The following CALN1 variants were observed in gnomAD, a reference collection of about 807,000 sequenced individuals.
CALN1 encodes the protein calneuron 1, also known as calcium-binding protein 8.
A neutral mutation model predicts 30.6 loss-of-function variants in CALN1; 17 were observed. The ratio of observed to expected loss-of-function variants is 0.56; its 90% CI spans 0.38 to 0.83. The LOEUF is 0.83. CALN1 is among the 40% of genes least tolerant of loss of function. The pLI, the probability that CALN1 is intolerant of heterozygous loss-of-function variation, is 0.00. For synonymous variants in CALN1, 156 were observed against 131.4 expected (o/e 1.19, Z -1.28); for missense variants, 291 against 354.9 (o/e 0.82, Z 1.45).
chr7:72,343,955 A>C (rs1802497054), intron 2 of CALN1, among the ~76,000 whole-genome samples: 1 of 152,246 alleles, frequency 6.6e-6, no homozygotes, highest in Admixed American at 6.5e-5. Flanking sequence ...AAGGGCTTCT[A>C]CATGTCTTAA....
At chr7:72,474,308 AC>A in the CALN1 span, among the ~76,000 whole-genome samples, 2 of 152,182 alleles carry the variant, frequency 1.3e-5, no homozygotes, top group African/African-American at 4.8e-5. Flanking sequence ...ATTATTTCTT[AC>A]TTTTTATTAA....
At chr7:72,147,687 T>C (rs1786868279) in intron 3 of CALN1, among the ~76,000 whole-genome samples, 1 of 151,902 alleles carries the variant, frequency 6.6e-6, no homozygotes, top group Admixed American at 6.6e-5. Flanking sequence ...AGCAAAGACC[T>C]GGAACCAACC....
intron 3 of CALN1, among the ~76,000 whole-genome samples, chr7:72,152,639 C>A (rs1787339123): frequency 6.6e-6 from 1 of 152,168 alleles, no homozygotes; most frequent in Admixed American, 6.5e-5. Flanking sequence ...TGTTTCCCGG[C>A]CAAAGCTGGT....
intron 3 of CALN1, among the ~76,000 whole-genome samples, chr7:72,200,468 C>T (rs1791340246): frequency 1.3e-5 from 2 of 152,166 alleles, no homozygotes; most frequent in African/African-American, 4.8e-5. Context: ...AATAGTGTCT[C>T]GTATTATTTC....
chr7:72,197,430 G>A (rs1791108079), intron 3 of CALN1, among the ~76,000 whole-genome samples: 1 of 152,050 alleles, frequency 6.6e-6, no homozygotes, highest in African/African-American at 2.4e-5. Flanking sequence ...TCGAACTCCT[G>A]ACCTCGTGAT....
chr7:72,216,907 A>G (rs774998254), intron 3 of CALN1, among the ~76,000 whole-genome samples: 48 of 92,430 alleles, frequency 5.2e-4, no homozygotes, highest in Non-Finnish European at 8.0e-4. Context: ...ACATGCCACC[A>G]CACCCACTGA....
chr7:72,143,507 C>A (rs1280032477), intron 3 of CALN1, among the ~76,000 whole-genome samples: 4 of 151,712 alleles, frequency 2.6e-5, no homozygotes, highest in Admixed American at 2.0e-4. Context: ...GATTGGTGTA[C>A]CTGAAAGTGA....
chr7:72,428,707 C>T (rs1197202357), intron 1 of CALN1, among the ~76,000 whole-genome samples: 2 of 152,186 alleles, frequency 1.3e-5, no homozygotes, highest in Non-Finnish European at 2.9e-5. Context: ...AGCTAGAAAA[C>T]TAGAAGGATG....
intron 3 of CALN1, among the ~76,000 whole-genome samples, chr7:72,148,986 A>G (rs116292505): frequency 0.017 from 2,523 of 148,248 alleles, 74 homozygotes; most frequent in African/African-American, 0.062. Context: ...GGGAGGGAGG[A>G]AGGAAGGAAA....
At chr7:71,974,805 C>A (rs1016420827) in intron 5 of CALN1, among the ~76,000 whole-genome samples, 1 of 152,206 alleles carries the variant, frequency 6.6e-6, no homozygotes, top group African/African-American at 2.4e-5. Flanking sequence ...ACGGTCACCA[C>A]CTGGCCTACG....
intron 6 of CALN1, among the ~76,000 whole-genome samples, chr7:71,794,740 G>A (rs77641160): frequency 6.6e-6 from 1 of 152,212 alleles, no homozygotes; most frequent in African/African-American, 2.4e-5. Flanking sequence ...CCTACAGCAC[G>A]AGGCTGAGAC....
At chr7:72,079,125 C>G (rs746203371) in intron 4 of CALN1, among the ~76,000 whole-genome samples, 1 of 152,154 alleles carries the variant, frequency 6.6e-6, no homozygotes, top group Non-Finnish European at 1.5e-5. Context: ...TCAGTGAATT[C>G]TTCAAGGATG....
At chr7:72,047,367 G>A (rs1193628954) in intron 4 of CALN1, among the ~76,000 whole-genome samples, 1 of 152,030 alleles carries the variant, frequency 6.6e-6, no homozygotes, top group African/African-American at 2.4e-5. Context: ...GGGAGATCGA[G>A]GTGAGAGGCT....
chr7:72,253,229 AATG>A (rs1795686025), intron 3 of CALN1, among the ~76,000 whole-genome samples: 3 of 152,226 alleles, frequency 2.0e-5, no homozygotes, highest in Non-Finnish European at 4.4e-5. Flanking sequence ...TTGAAGAACT[AATG>A]CAAATTTTTG....
intron 2 of CALN1, among the ~76,000 whole-genome samples, chr7:72,381,773 C>T (rs1208496260): frequency 8.5e-5 from 13 of 152,198 alleles, no homozygotes; most frequent in East Asian, 3.9e-4. Context: ...ACCTAGATGA[C>T]GGGTTGATAG....
intron 5 of CALN1, among the ~76,000 whole-genome samples, chr7:71,973,854 G>T (rs746440240): frequency 1.5e-4 from 23 of 152,084 alleles, no homozygotes; most frequent in Non-Finnish European, 4.4e-5. Flanking sequence ...TTAATTGAGG[G>T]TATAAAAGGA....
chr7:72,324,749 T>C (rs1585491142), intron 2 of CALN1, among the ~76,000 whole-genome samples: 1 of 151,884 alleles, frequency 6.6e-6, no homozygotes, highest in Non-Finnish European at 1.5e-5. Context: ...ACCCGGCTAA[T>C]TTTTGTATTT....
intron 5 of CALN1, among the ~76,000 whole-genome samples, chr7:71,997,725 A>G (rs978465191): frequency 1.3e-5 from 2 of 152,224 alleles, no homozygotes; most frequent in Non-Finnish European, 2.9e-5. Flanking sequence ...TCAAATGACA[A>G]TAATGTCCCT....
At chr7:72,345,048 C>A (rs1366729813) in intron 2 of CALN1, among the ~76,000 whole-genome samples, 2 of 146,844 alleles carry the variant, frequency 1.4e-5, no homozygotes, top group Non-Finnish European at 3.0e-5. Context: ...TATATTATAT[C>A]GTATGTACTG....
Sources: allele counts gnomAD v4.1 joint callset (sites outside exome capture counted in the v4.1 genomes callset), GRCh38; gene constraint gnomAD v4.1.1; transcripts MANE v1.5; gene names NCBI Gene and HGNC (gene_info 2026-07-23, HGNC 2026-07-21).